PACRG: variants seen among roughly 807,000 people sequenced by gnomAD.
PACRG encodes the protein parkin coregulated gene protein.
PACRG carries 29 observed loss-of-function variants against 29.7 expected under a neutral mutation model. That is an observed-to-expected ratio of 0.98 (90% CI 0.73 to 1.33). The LOEUF is 1.33. PACRG is among the 40% of genes most tolerant of loss of function. PACRG has a pLI of 0.00. For missense variants in PACRG, 279 were observed against 316.2 expected, an observed-to-expected ratio of 0.88 and a Z score of 0.89; for synonymous variants, 116 against 118.7, an observed-to-expected ratio of 0.98 and a Z score of 0.15.
In PACRG at chr6:163,315,245, G is replaced by A. The variant is rs140995997; in HGVS notation, c.*258G>A. 35 of 342,296 alleles carry A rather than the reference G, an allele frequency of 1.0e-4. No individual in the cohort carries two copies. Among genetic ancestry groups the A allele is most frequent in the Admixed American group, 4.0e-4 (9 of 22,654 alleles). The allele number at this position is 342,296 out of a possible 1,614,324, so 21.2% of individuals were successfully genotyped here. A position where few individuals can be genotyped will look rare whatever the true frequency, so the allele number is the denominator to read the frequency against. On this transcript the variant is annotated 3_prime_UTR_variant, in exon 5 of 5. Coordinates refer to ENST00000366888, the MANE Select transcript of PACRG (RefSeq NM_001080379.2). ...AAGAATTGCTTCTTTATACAGCTCCGACAGAAGCAGGAGTCCGAGTTAAAC... is the reference window on the plus strand; with the variant it reads ...AAGAATTGCTTCTTTATACAGCTCCAACAGAAGCAGGAGTCCGAGTTAAAC...
chr6:162,830,417 G>A (rs543597465), intron 2 of PACRG, among the ~76,000 whole-genome samples: 15 of 152,124 alleles, frequency 9.9e-5, no homozygotes, highest in African/African-American at 1.9e-4. Context: ...CAGGTCTCCC[G>A]CTGGCCTTCA....
At chr6:162,933,486 G>A (rs1584791888) in intron 2 of PACRG, among the ~76,000 whole-genome samples, 1 of 151,620 alleles carries the variant, frequency 6.6e-6, no homozygotes, top group East Asian at 1.9e-4. Context: ...TCTCTCTTTA[G>A]CTAATATTTG....
chr6:163,144,000 C>T (rs917282919), intron 4 of PACRG, among the ~76,000 whole-genome samples: 14 of 151,702 alleles, frequency 9.2e-5, no homozygotes, highest in African/African-American at 3.2e-4. Context: ...TTTGGGAGGC[C>T]GAGGTGGGTC....
rs532455584 is a variant in PACRG, at chr6:163,285,670, G to A, written c.614-29157G>A. Reference sequence around the variant, plus strand: ...GTCCAAGGAAAAGAATGCACCGTCCGTGATGGGGAAGGAATAATAACCACA... The same window carrying A: ...GTCCAAGGAAAAGAATGCACCGTCCATGATGGGGAAGGAATAATAACCACA... On this transcript the variant is annotated intron_variant, in intron 4 of 4. Coordinates refer to ENST00000366888, the MANE Select transcript of PACRG (RefSeq NM_001080379.2). 2.6e-5 allele frequency among the ~76,000 whole-genome samples: 4 copies of A among 152,344 alleles called. No individual in the cohort carries two copies. In the East Asian group the frequency reaches 5.8e-4, roughly 22 times the overall value.
chr6:163,132,433 C>G (rs1366632698), intron 4 of PACRG, among the ~76,000 whole-genome samples: 1 of 152,188 alleles, frequency 6.6e-6, no homozygotes, highest in East Asian at 1.9e-4. Flanking sequence ...GAACAAGTTT[C>G]CCTTTTGATT....
intron 4 of PACRG, among the ~76,000 whole-genome samples, chr6:163,270,796 A>G (rs1182804436): frequency 6.6e-6 from 1 of 152,206 alleles, no homozygotes. Context: ...CACCACAAAT[A>G]AAAATAAAAC....
In PACRG at chr6:163,234,453, G is replaced by A. The variant is rs1254039541; in HGVS notation, c.614-80374G>A. ...CTCCCCTTCGTCTTCCACAATAAAT[G>A]GAAGCTTCCTGAAGCCCTCACCAGA... On this transcript the variant is annotated intron_variant, in intron 4 of 4. Transcript: ENST00000366888. Among the ~76,000 whole-genome samples the A allele has an allele frequency of 2.0e-5, 3 of 152,242 alleles. No homozygotes were observed. The East Asian group carries it at 5.8e-4, about 29-fold the overall frequency.
At chr6:163,052,526 G>T (rs766840471) in intron 2 of PACRG, among the ~76,000 whole-genome samples, 15 of 152,178 alleles carry the variant, frequency 9.9e-5, no homozygotes, top group Non-Finnish European at 1.9e-4. Context: ...CATGTCGAGG[G>T]AGGAACCTGG....
chr6:163,314,408 C>T (rs1785564685), intron 4 of PACRG, among the ~76,000 whole-genome samples: 2 of 152,304 alleles, frequency 1.3e-5, no homozygotes, highest in South Asian at 2.1e-4. Context: ...GGGGCTAAGC[C>T]TCATTCCAAA....
At chr6:162,765,382 ACC>A (rs1204697799) in intron 1 of PACRG, among the ~76,000 whole-genome samples, 1 of 151,604 alleles carries the variant, frequency 6.6e-6, no homozygotes, top group Non-Finnish European at 1.5e-5. Context: ...GTGCAACTCT[ACC>A]CCCTTTCCTC....
At chr6:163,021,890 G>A (rs1434707650) in intron 2 of PACRG, among the ~76,000 whole-genome samples, 1 of 152,220 alleles carries the variant, frequency 6.6e-6, no homozygotes, top group Non-Finnish European at 1.5e-5. Flanking sequence ...TCAGAATAAT[G>A]TGTTTACTTT....
At chr6:162,871,948 C>CAA (rs922208899) in intron 2 of PACRG, among the ~76,000 whole-genome samples, 29 of 150,272 alleles carry the variant, frequency 1.9e-4, no homozygotes, top group African/African-American at 6.8e-4. Flanking sequence ...CAAAACAAAA[C>CAA]AAAAAAAAAC....
At chr6:162,909,042 G>A (rs1335000923) in intron 2 of PACRG, among the ~76,000 whole-genome samples, 1 of 152,112 alleles carries the variant, frequency 6.6e-6, no homozygotes, top group African/African-American at 2.4e-5. Context: ...TAGTATACAC[G>A]ACTCCTCTTG....
intron 2 of PACRG, among the ~76,000 whole-genome samples, chr6:162,836,184 A>T (rs535166938): frequency 6.6e-6 from 1 of 152,074 alleles, no homozygotes; most frequent in African/African-American, 2.4e-5. Context: ...GGAAAAAGAG[A>T]TAATCACTTT....
intron 4 of PACRG, among the ~76,000 whole-genome samples, chr6:163,181,280 C>T (rs1411142650): frequency 2.0e-5 from 3 of 152,186 alleles, no homozygotes. Context: ...GATGCAACCT[C>T]CTGAAACAGG....
At position 162,833,188 on chromosome 6, in the gene PACRG, G is replaced by A. The variant is rs1279372115; in HGVS notation, c.291+18907G>A. Among the ~76,000 whole-genome samples, 4 of 152,152 alleles carry A rather than the reference G, an allele frequency of 2.6e-5. No individual in the cohort carries two copies. In the South Asian group the frequency reaches 8.3e-4, roughly 32 times the overall value. On this transcript the variant is annotated intron_variant, in intron 2 of 4. Coordinates refer to ENST00000366888, the MANE Select transcript of PACRG (RefSeq NM_001080379.2). ...AATTATTACAGCCTTCCTATTACTAGTGTCAAAAGATGAATTAACTTTCTT... is the reference window on the plus strand; with the variant it reads ...AATTATTACAGCCTTCCTATTACTAATGTCAAAAGATGAATTAACTTTCTT...
chr6:162,845,026 C>T (rs1790233584), intron 2 of PACRG, among the ~76,000 whole-genome samples: 1 of 151,956 alleles, frequency 6.6e-6, no homozygotes, highest in African/African-American at 2.4e-5. Context: ...GTCAAATAAT[C>T]TCGTATCTTA....
At chr6:162,984,537 A>G (rs1177997260) in intron 2 of PACRG, among the ~76,000 whole-genome samples, 1 of 152,068 alleles carries the variant, frequency 6.6e-6, no homozygotes, top group Non-Finnish European at 1.5e-5. Flanking sequence ...GATACCTAGT[A>G]GTGGGATTTC....
intron 4 of PACRG, among the ~76,000 whole-genome samples, chr6:163,233,382 A>G (rs1220884541): frequency 6.6e-6 from 1 of 152,236 alleles, no homozygotes; most frequent in Non-Finnish European, 1.5e-5. Flanking sequence ...GGGGCATTTT[A>G]CAGTTGACCT....
Sources: allele counts gnomAD v4.1 joint callset (sites outside exome capture counted in the v4.1 genomes callset), GRCh38; gene constraint gnomAD v4.1.1; transcripts MANE v1.5; gene names NCBI Gene and HGNC (gene_info 2026-07-23, HGNC 2026-07-21).